CCL4: variants seen among roughly 807,000 people sequenced by gnomAD.
CCL4 encodes C-C motif chemokine 4.
Under a neutral mutation model 10.3 loss-of-function variants are expected in CCL4, and 8 were observed. The observed-to-expected ratio is 0.77, with a 90% CI of 0.45 to 1.39. CCL4 has a LOEUF of 1.39. Ranked by LOEUF, CCL4 falls within the 40% of genes most tolerant of loss-of-function variation. The probability of loss-of-function intolerance (pLI) is 0.00; values close to 1 mark genes in which losing one functional copy is unlikely to be tolerated. For synonymous variants in CCL4, 35 were observed against 44.3 expected (o/e 0.79, Z 0.83); for missense variants, 106 against 111.2 (o/e 0.95, Z 0.21).
rs1411155689 is a variant in CCL4 at position 36,105,405 on chromosome 17, C to A, written c.*93C>A. 2.0e-5 allele frequency: 24 copies of A among 1,229,634 alleles called. No homozygotes were observed. The highest frequency in any genetic ancestry group is 2.8e-5 in the Non-Finnish European group (23 of 830,906). The allele number at this position is 1,229,634 out of a possible 1,614,324, so 76.2% of individuals were successfully genotyped here. The stretch of plus-strand genomic sequence containing the variant: ...CTCCTCCATACTCAGGACTCCTCTC[C>A]GCAGTTCCTGTCCCTTCTCTTAATT... On this transcript the variant is annotated 3_prime_UTR_variant, in exon 3 of 3. Coordinates refer to ENST00000615863, the MANE Select transcript of CCL4 (RefSeq NM_002984.4).
At chr17:36,105,188 T>C (rs1719149) in intron 2 of CCL4, 37 bp from the exon 3 acceptor site, 343,898 of 1,590,312 alleles carry the variant, frequency 0.22, 38,734 homozygotes, top group East Asian at 0.27. Context: ...CTCAAAGGTC[T>C]CATGAGATTC....
chr17:36,103,854 C>T lies in CCL4; in HGVS notation c.-52C>T. 1.2e-6 allele frequency: 2 copies of T among 1,604,242 alleles called. No individual in the cohort carries two copies. The highest frequency in any genetic ancestry group is 2.2e-5 in the South Asian group (2 of 90,910). Reference sequence around the variant, plus strand: ...CACAGGACACAGCTGGGTTCTGAAGCTTCTGAGTTCTGCAGCCTCACCTCT... The same window carrying T: ...CACAGGACACAGCTGGGTTCTGAAGTTTCTGAGTTCTGCAGCCTCACCTCT... On this transcript the variant is annotated 5_prime_UTR_variant, in exon 1 of 3. Transcript: ENST00000615863.
intron 1 of CCL4, 27 bp from the exon 2 acceptor site, chr17:36,104,501 T>G (rs1443962838): frequency 6.2e-7 from 1 of 1,600,550 alleles, no homozygotes; most frequent in South Asian, 1.1e-5. Context: ...CGGGCAGTGT[T>G]GATCTCACCC....
chr17:36,104,968 G>A, intron 2 of CCL4: 2 of 709,028 alleles, frequency 2.8e-6, no homozygotes, highest in East Asian at 2.7e-5. Context: ...CTGCCAGGCT[G>A]GCAGGGAATG....
intron 2 of CCL4, 82 bp from the exon 3 acceptor site, chr17:36,105,143 G>A (rs2067150728): frequency 2.1e-6 from 3 of 1,418,370 alleles, no homozygotes; most frequent in African/African-American, 2.8e-5. Context: ...ACCATGGTCA[G>A]GCAGAGGAAG....
At position 36,105,455 on chromosome 17, in the gene CCL4, T is replaced by C. The variant is rs1295300337; in HGVS notation, c.*143T>C. On this transcript the variant is annotated 3_prime_UTR_variant, in exon 3 of 3. Transcript: ENST00000615863. ...TTAATCTTTTTTATGTGCCGTGTTA[T>C]TGTATTAGGTGTCATTTCCATTATT... is the stretch of plus-strand genomic sequence containing the variant. 7.2e-6 allele frequency: 6 copies of C among 835,088 alleles called. No individual in the cohort carries two copies. The highest frequency in any genetic ancestry group is 3.4e-5 in the African/African-American group (2 of 59,002). 51.7% of individuals were successfully genotyped at this position (835,088 alleles called of 1,614,324 possible). A position where few individuals can be genotyped will look rare whatever the true frequency, so the allele number is the denominator to read the frequency against.
intron 2 of CCL4, 66 bp downstream of exon 2, chr17:36,104,708 G>T (rs1269019205): frequency 3.7e-5 from 59 of 1,599,206 alleles, no homozygotes; most frequent in Non-Finnish European, 5.0e-5. Context: ...AAGAGGGCCT[G>T]TTTTGGGGAG....
Position 36,104,378 on chromosome 17 carries a change from T to G in CCL4, c.77-150T>G, listed in dbSNP as rs2067142589. 6 of 916,900 alleles carry G rather than the reference T, an allele frequency of 6.5e-6. No individual in the cohort carries two copies. The East Asian group carries it at 1.3e-4, about 20-fold the overall frequency. The allele number at this position is 916,900 out of a possible 1,614,324, so 56.8% of individuals were successfully genotyped here. A position where few individuals can be genotyped will look rare whatever the true frequency, so the allele number is the denominator to read the frequency against. ...TCGTTCTTCTCTGAAGATCCACTAT[T>G]CAAAATAAGACTCCTGCTCATGTTA... On this transcript the variant is annotated intron_variant, in intron 1 of 2. Coordinates refer to ENST00000615863, the MANE Select transcript of CCL4 (RefSeq NM_002984.4).
chr17:36,104,929 C>A (rs1184799494), intron 2 of CCL4: 7 of 700,728 alleles, frequency 1.0e-5, no homozygotes. Flanking sequence ...ATTCCTTAAA[C>A]CGTGCTAGAA....
In CCL4 at chr17:36,105,312, A is replaced by AG. The variant is rs1338619576; in HGVS notation, c.*1dup. On this transcript the variant is annotated 3_prime_UTR_variant, in exon 3 of 3. Transcript: ENST00000615863. ...ACGTGTATGACCTGGAACTGAACTG[A>AG]GCTGCTCAGAGACAGGAAGTCTTCA... 3 of 1,613,632 alleles carry AG rather than the reference A, an allele frequency of 1.9e-6. No individual in the cohort carries two copies. The highest frequency in any genetic ancestry group is 3.3e-5 in the Admixed American group (2 of 60,034).
At position 36,105,313 on chromosome 17, in the gene CCL4, GC is replaced by G. The variant is rs2067153197; in HGVS notation, c.*2del. On this transcript the variant is annotated 3_prime_UTR_variant, in exon 3 of 3. Transcript: ENST00000615863. ...CGTGTATGACCTGGAACTGAACTGA[GC>G]TGCTCAGAGACAGGAAGTCTTCAGG... 6.2e-7 allele frequency: 1 copy of G among 1,613,538 alleles called. No individual in the cohort carries two copies. Among genetic ancestry groups the G allele is most frequent in the South Asian group, 1.1e-5 (1 of 91,084 alleles).
intron 1 of CCL4, 22 bp downstream of exon 1, chr17:36,104,003 C>T (rs1249356294): frequency 6.2e-7 from 1 of 1,613,780 alleles, no homozygotes; most frequent in Admixed American, 1.7e-5. Flanking sequence ...TTTGCAGCTG[C>T]TATTTCGAGT....
At position 36,105,311 on chromosome 17, in the gene CCL4, G is replaced by C; in HGVS notation, c.278G>C (p.Ter93SerextTer20). 6.2e-7 allele frequency: 1 copy of C among 1,613,664 alleles called. No individual in the cohort carries two copies. The highest frequency in any genetic ancestry group is 8.5e-7 in the Non-Finnish European group (1 of 1,179,518). Residue 93 changes from the stop codon to serine, a stop_lost, in exon 3 of 3, where the codon TGA becomes TCA. Coordinates refer to ENST00000615863, the MANE Select transcript of CCL4 (RefSeq NM_002984.4). ...QEYVYDLELN* is the reference protein window; with the variant it reads ...QEYVYDLELNS ...TACGTGTATGACCTGGAACTGAACT[G>C]AGCTGCTCAGAGACAGGAAGTCTTC...
chr17:36,105,001 G>T (rs1157510003), intron 2 of CCL4: 2 of 718,098 alleles, frequency 2.8e-6, no homozygotes, highest in East Asian at 5.4e-5. Context: ...CATATTGATT[G>T]CAATGCCCCT....
rs1209379660 is a variant in CCL4 at position 36,104,400 on chromosome 17, G to A, written c.77-128G>A. ...TATTCAAAATAAGACTCCTGCTCAT[G>A]TTAGGTGGGAATGGATATTTGGGGT... On this transcript the variant is annotated intron_variant, in intron 1 of 2. Coordinates refer to ENST00000615863, the MANE Select transcript of CCL4 (RefSeq NM_002984.4). 4.6e-6 allele frequency: 5 copies of A among 1,085,840 alleles called. No individual in the cohort carries two copies. In the African/African-American group the frequency reaches 4.7e-5, roughly 10 times the overall value. 67.3% of individuals were successfully genotyped at this position (1,085,840 alleles called of 1,614,324 possible).
chr17:36,104,194 G>T, intron 1 of CCL4: 3 of 738,714 alleles, frequency 4.1e-6, no homozygotes, highest in Non-Finnish European at 7.3e-6. Context: ...AGAGGAAAAC[G>T]ATGGGCTGGA....
Position 36,105,254 on chromosome 17 carries a change from G to A in CCL4, c.221G>A (p.Cys74Tyr). The A allele has an allele frequency of 6.2e-7, 1 of 1,614,036 alleles. No individual in the cohort carries two copies. Among genetic ancestry groups the A allele is most frequent in the Non-Finnish European group, 8.5e-7 (1 of 1,179,904 alleles). Residue 74 changes from cysteine to tyrosine, a missense_variant, in exon 3 of 3, where the codon TGT becomes TAT. Cys to Tyr is a radical substitution (Grantham distance 194). Coordinates refer to ENST00000615863, the MANE Select transcript of CCL4 (RefSeq NM_002984.4). ...CAAACCAAAAGAAGCAAGCAAGTCT[G>A]TGCTGATCCCAGTGAATCCTGGGTC... ...VFQTKRSKQV[C>Y]ADPSESWVQE...
chr17:36,104,874 C>T (rs2067148085), intron 2 of CCL4: 3 of 688,804 alleles, frequency 4.4e-6, no homozygotes, highest in Admixed American at 2.1e-5. Flanking sequence ...ATTCAGAGGA[C>T]AGGGAAGCAG....
Position 36,105,393 on chromosome 17 carries a change from A to C in CCL4, c.*81A>C. On this transcript the variant is annotated 3_prime_UTR_variant, in exon 3 of 3. Coordinates refer to ENST00000615863, the MANE Select transcript of CCL4 (RefSeq NM_002984.4). The stretch of plus-strand genomic sequence containing the variant: ...CATGAGACACATCTCCTCCATACTC[A>C]GGACTCCTCTCCGCAGTTCCTGTCC... The C allele has an allele frequency of 6.6e-6, 9 of 1,369,372 alleles. No homozygotes were observed. Among genetic ancestry groups the C allele is most frequent in the Non-Finnish European group, 9.4e-6 (9 of 957,082 alleles). 84.8% of individuals were successfully genotyped at this position (1,369,372 alleles called of 1,614,324 possible). A position where few individuals can be genotyped will look rare whatever the true frequency, so the allele number is the denominator to read the frequency against.
Sources: allele counts gnomAD v4.1 joint callset, GRCh38; gene constraint gnomAD v4.1.1; transcripts MANE v1.5; gene names NCBI Gene and HGNC (gene_info 2026-07-23, HGNC 2026-07-21).